TEKT3: variants seen among roughly 807,000 people sequenced by gnomAD.
TEKT3 encodes the protein tektin-3.
A neutral mutation model predicts 49.8 loss-of-function variants in TEKT3; 49 were observed. That is an observed-to-expected ratio of 0.98 (90% CI 0.78 to 1.25). The LOEUF (loss-of-function observed/expected upper bound fraction) is 1.25, where lower values mean the gene tolerates loss of function less well. Among genes scored for constraint, TEKT3 ranks in the 50% most tolerant of loss-of-function variants. The pLI, the probability that TEKT3 is intolerant of heterozygous loss-of-function variation, is 0.00. For missense variants in TEKT3, 595 were observed against 629.5 expected (o/e 0.95, Z 0.59); for synonymous variants, 225 against 237.2 (o/e 0.95, Z 0.47).
At position 15,312,602 on chromosome 17, in the gene TEKT3, A is replaced by G. The variant is rs113026931; in HGVS notation, c.879-121T>C. On this transcript the variant is annotated intron_variant, in intron 6 of 8. Transcript: ENST00000395930. ...AGGTCGCTGATCCTAGCTTCATTAT[A>G]TAAATGTGAATATCAGAATGAGGCT... The G allele has an allele frequency of 1.5e-4, 107 of 734,894 alleles. 1 individual carries two copies. In the African/African-American group the frequency reaches 1.5e-3, roughly 10 times the overall value. 45.5% of individuals were successfully genotyped at this position (734,894 alleles called of 1,614,324 possible).
intron 4 of TEKT3, among the ~76,000 whole-genome samples, chr17:15,320,930 G>C (rs1425875860): frequency 2.0e-5 from 3 of 152,070 alleles, no homozygotes; most frequent in Non-Finnish European, 4.4e-5. Context: ...ACAAAGCACA[G>C]AGTGGAAATT....
At position 15,307,160 on chromosome 17, in the gene TEKT3, T is replaced by C. The variant is rs73280922; in HGVS notation, c.1256+1504A>G. ...CGTAAGGTGTTTCATCATAATGATC[T>C]CCTCTGTGACCTTCAGTTTCATCCT... On this transcript the variant is annotated intron_variant, in intron 8 of 8. Transcript: ENST00000395930. Among the ~76,000 whole-genome samples, 1,495 of 152,342 alleles carry C rather than the reference T, an allele frequency of 9.8e-3. 26 individuals carry two copies. Among genetic ancestry groups the C allele is most frequent in the African/African-American group, 0.034 (1,422 of 41,568 alleles).
At chr17:15,336,961 C>G (rs1198802527) in intron 2 of TEKT3, among the ~76,000 whole-genome samples, 1 of 152,066 alleles carries the variant, frequency 6.6e-6, no homozygotes, top group Admixed American at 6.5e-5. Flanking sequence ...ACTATCACAA[C>G]AGGCTGAATG....
intron 4 of TEKT3, among the ~76,000 whole-genome samples, chr17:15,327,143 G>A (rs12600385): frequency 6.8e-6 from 1 of 147,796 alleles, no homozygotes. Flanking sequence ...AACTATATAA[G>A]AGATGATTGA....
At chr17:15,330,386 G>A (rs1012850435) in intron 3 of TEKT3, among the ~76,000 whole-genome samples, 3 of 152,132 alleles carry the variant, frequency 2.0e-5, no homozygotes, top group African/African-American at 7.2e-5. Flanking sequence ...GAGGTGATTG[G>A]ATCGTGGGGG....
intron 4 of TEKT3, among the ~76,000 whole-genome samples, chr17:15,325,209 A>G (rs74951502): frequency 0.014 from 2,161 of 152,186 alleles, 56 homozygotes; most frequent in African/African-American, 0.05. Context: ...TTCTTTTTCC[A>G]TATTATTTTG....
At chr17:15,325,355 C>T (rs1597413832) in intron 4 of TEKT3, among the ~76,000 whole-genome samples, 2 of 152,194 alleles carry the variant, frequency 1.3e-5, no homozygotes, top group Middle Eastern at 3.4e-3. Context: ...CATCTTAACA[C>T]GAACATCCAT....
chr17:15,326,482 G>T (rs913764904), intron 4 of TEKT3, among the ~76,000 whole-genome samples: 1 of 152,176 alleles, frequency 6.6e-6, no homozygotes. Flanking sequence ...GTATAGGATA[G>T]ATCCAAGGGA....
intron 7 of TEKT3, chr17:15,311,231 T>G (rs117065116): frequency 6.6e-6 from 1 of 152,098 alleles, no homozygotes; most frequent in African/African-American, 2.4e-5. Flanking sequence ...GCAGGCACCA[T>G]GAGAAGGAAA....
At position 15,312,440 on chromosome 17, in the gene TEKT3, T is replaced by C. The variant is rs1378634839; in HGVS notation, c.920A>G (p.Asn307Ser). 1.2e-6 allele frequency: 2 copies of C among 1,614,152 alleles called. No individual in the cohort carries two copies. The highest frequency in any genetic ancestry group is 1.3e-5 in the African/African-American group (1 of 75,030). ...CCGTTCACTCTGGGAGCGGAGAATA[T>C]TGTCATCTGTAAATTTGGCCCAGGA... Reference protein sequence around the residue: ...PESWAKFTDDNILRSQSERAA... With the variant: ...PESWAKFTDDSILRSQSERAA... Residue 307 changes from asparagine (N) to serine (S), a missense_variant, in exon 7 of 9, where the codon AAT (asparagine) becomes AGT (serine). By Grantham distance (46) the Asn-to-Ser change is conservative. Transcript: ENST00000395930.
chr17:15,317,307 C>A (rs1319766175), intron 5 of TEKT3, among the ~76,000 whole-genome samples: 1 of 152,166 alleles, frequency 6.6e-6, no homozygotes, highest in African/African-American at 2.4e-5. Flanking sequence ...CACGGTAGAA[C>A]AATCTAGGCC....
intron 2 of TEKT3, among the ~76,000 whole-genome samples, chr17:15,334,299 C>T (rs568769035): frequency 3.3e-5 from 5 of 152,166 alleles, no homozygotes; most frequent in Non-Finnish European, 7.3e-5. Flanking sequence ...CAAGTGATCC[C>T]CCACCTCAAC....
At chr17:15,335,964 G>C (rs949651771) in intron 2 of TEKT3, among the ~76,000 whole-genome samples, 48 of 151,742 alleles carry the variant, frequency 3.2e-4, no homozygotes, top group Non-Finnish European at 2.8e-4. Flanking sequence ...CAATAGCAAA[G>C]GTTCTAATAT....
At chr17:15,337,193 A>C (rs933763034) in intron 2 of TEKT3, among the ~76,000 whole-genome samples, 1 of 152,118 alleles carries the variant, frequency 6.6e-6, no homozygotes, top group Non-Finnish European at 1.5e-5. Flanking sequence ...TATAATCCAC[A>C]TAAGTAAAAG....
At chr17:15,330,297 T>A (rs1471967657) in intron 3 of TEKT3, among the ~76,000 whole-genome samples, 1 of 152,170 alleles carries the variant, frequency 6.6e-6, no homozygotes, top group Admixed American at 6.5e-5. Context: ...GATAAGATGG[T>A]CATATGGTTT....
chr17:15,325,009 C>G (rs143125375), intron 4 of TEKT3, among the ~76,000 whole-genome samples: 1 of 152,228 alleles, frequency 6.6e-6, no homozygotes, highest in Non-Finnish European at 1.5e-5. Flanking sequence ...TGTCCAAATA[C>G]CATTTGTTGA....
chr17:15,341,049 A>T (rs1372718924), intron 1 of TEKT3, among the ~76,000 whole-genome samples: 1 of 152,144 alleles, frequency 6.6e-6, no homozygotes, highest in Non-Finnish European at 1.5e-5. Context: ...AACAGCTTTG[A>T]TCTGAATTTA....
intron 6 of TEKT3, among the ~76,000 whole-genome samples, chr17:15,313,719 G>A (rs535179575): frequency 6.6e-6 from 1 of 152,164 alleles, no homozygotes; most frequent in East Asian, 1.9e-4. Flanking sequence ...ATGTTCGTCA[G>A]GCTGGTCTCG....
intron 8 of TEKT3, among the ~76,000 whole-genome samples, chr17:15,305,502 T>G (rs908801634): frequency 6.6e-6 from 1 of 152,172 alleles, no homozygotes; most frequent in Non-Finnish European, 1.5e-5. Context: ...GAAAGGCTTT[T>G]TAAAGATCCC....
Sources: gnomAD v4.1 joint callset for allele counts (sites outside exome capture counted in the v4.1 genomes callset) on GRCh38, gnomAD v4.1.1 for gene constraint, MANE v1.5 for transcripts, NCBI Gene and HGNC (gene_info 2026-07-23, HGNC 2026-07-21) for gene names.